Variants in SHROOM3 observed in about 807,000 individuals in gnomAD.
SHROOM3 encodes protein Shroom3.
SHROOM3 carries 47 observed loss-of-function variants against 138.6 expected under a neutral mutation model. The ratio of observed to expected loss-of-function variants is 0.34; its 90% CI spans 0.27 to 0.43. The LOEUF is 0.43. Ranked by LOEUF, SHROOM3 falls within the 20% of genes least tolerant of loss-of-function variation. The pLI is 1.00. For synonymous variants in SHROOM3, 1,062 were observed against 1,063.3 expected, an observed-to-expected ratio of 1.00 and a Z score of 0.02; for missense variants, 2,491 against 2,596.5, an observed-to-expected ratio of 0.96 and a Z score of 0.88.
intron 1 of SHROOM3, among the ~76,000 whole-genome samples, chr4:76,528,562 T>TTTTTTTTGG (rs1732754135): frequency 6.8e-6 from 1 of 146,368 alleles, no homozygotes; most frequent in African/African-American, 2.5e-5. Flanking sequence ...TTTTTTTTTT[T>TTTTTTTTGG]GAGGCAGAGT....
chr4:76,585,148 A>G (rs1420906982), intron 2 of SHROOM3, among the ~76,000 whole-genome samples: 1 of 152,314 alleles, frequency 6.6e-6, no homozygotes, highest in East Asian at 1.9e-4. Flanking sequence ...GTTTGGAATG[A>G]TTACTACTGC....
intron 2 of SHROOM3, among the ~76,000 whole-genome samples, chr4:76,640,360 C>G (rs750925905): frequency 2.6e-5 from 4 of 152,180 alleles, no homozygotes; most frequent in Non-Finnish European, 1.5e-5. Context: ...TATGCTCTCC[C>G]GCGTCAGAAG....
At chr4:76,491,534 T>A (rs1453847179) in intron 1 of SHROOM3, among the ~76,000 whole-genome samples, 1 of 152,220 alleles carries the variant, frequency 6.6e-6, no homozygotes, top group Non-Finnish European at 1.5e-5. Context: ...TCTCTGATAA[T>A]AAAAAGTCTA....
At chr4:76,630,585 G>A (rs1400445380) in intron 2 of SHROOM3, among the ~76,000 whole-genome samples, 1 of 152,198 alleles carries the variant, frequency 6.6e-6, no homozygotes, top group Non-Finnish European at 1.5e-5. Flanking sequence ...GTGACCATTG[G>A]ATTATAGGAA....
chr4:76,620,684 G>A (rs1232765894), intron 2 of SHROOM3, among the ~76,000 whole-genome samples: 1 of 152,142 alleles, frequency 6.6e-6, no homozygotes, highest in Non-Finnish European at 1.5e-5. Context: ...AAATGTGAGT[G>A]GAGAACGGTG....
chr4:76,446,824 A>T (rs973025705), intron 1 of SHROOM3, among the ~76,000 whole-genome samples: 2 of 152,124 alleles, frequency 1.3e-5, no homozygotes, highest in African/African-American at 2.4e-5. Flanking sequence ...ACCAAACTTT[A>T]TCTCATTTTG....
intron 1 of SHROOM3, among the ~76,000 whole-genome samples, chr4:76,530,104 T>G (rs1425650132): frequency 6.6e-6 from 1 of 152,246 alleles, no homozygotes; most frequent in Non-Finnish European, 1.5e-5. Context: ...CTATTCACTT[T>G]TCTTCAGAGA....
intron 2 of SHROOM3, among the ~76,000 whole-genome samples, chr4:76,572,223 C>A (rs984386521): frequency 6.6e-6 from 1 of 152,162 alleles, no homozygotes; most frequent in Non-Finnish European, 1.5e-5. Context: ...TAACATACAA[C>A]GGGAATAATA....
chr4:76,716,227 T>G (rs1185844842), intron 3 of SHROOM3: 2 of 485,524 alleles, frequency 4.1e-6, no homozygotes, highest in Non-Finnish European at 8.3e-6. Context: ...TGCGCTGAGC[T>G]GGGCAAGTTC....
At chr4:76,689,266 G>A (rs1719426455) in intron 2 of SHROOM3, among the ~76,000 whole-genome samples, 2 of 147,076 alleles carry the variant, frequency 1.4e-5, no homozygotes, top group Admixed American at 7.2e-5. Flanking sequence ...TCAAACCTTA[G>A]GGAGCCTTCT....
At chr4:76,607,820 C>A (rs1228758203) in intron 2 of SHROOM3, among the ~76,000 whole-genome samples, 1 of 152,114 alleles carries the variant, frequency 6.6e-6, no homozygotes, top group African/African-American at 2.4e-5. Context: ...ACCACTAGCC[C>A]CTGGTAATCC....
chr4:76,459,008 G>A (rs542454392), intron 1 of SHROOM3, among the ~76,000 whole-genome samples: 29 of 152,280 alleles, frequency 1.9e-4, no homozygotes, highest in African/African-American at 6.7e-4. Flanking sequence ...ACAGCAGCAG[G>A]GGGGCGGGGA....
chr4:76,673,067 T>G (rs1298798741), intron 2 of SHROOM3, among the ~76,000 whole-genome samples: 1 of 152,214 alleles, frequency 6.6e-6, no homozygotes, highest in Admixed American at 6.5e-5. Context: ...CCAGATTTTT[T>G]GAAAAGTCCC....
chr4:76,444,826 G>GT lies in SHROOM3; in HGVS notation c.168+8607dup, dbSNP rs565827979. 3.9e-4 allele frequency among the ~76,000 whole-genome samples: 60 copies of GT among 152,106 alleles called. No individual in the cohort carries two copies. The East Asian group carries it at 0.01, about 26-fold the overall frequency. The stretch of plus-strand genomic sequence containing the variant: ...TCATCTTTCAAAGGCACCAGGCATG[G>GT]TGGCTCACACCTGTAATCCTAGCAC... On this transcript the variant is annotated intron_variant, in intron 1 of 10. Coordinates refer to ENST00000296043, the MANE Select transcript of SHROOM3 (RefSeq NM_020859.4).
chr4:76,561,178 G>C (rs73828104), intron 2 of SHROOM3, among the ~76,000 whole-genome samples: 6,078 of 152,168 alleles, frequency 0.04, 394 homozygotes, highest in African/African-American at 0.13. Flanking sequence ...ACCTCTGCAA[G>C]TTTGATGTAA....
intron 10 of SHROOM3, among the ~76,000 whole-genome samples, chr4:76,773,296 C>T (rs1722431967): frequency 6.6e-6 from 1 of 151,104 alleles, no homozygotes; most frequent in African/African-American, 2.4e-5. Flanking sequence ...ATTGCTTGAA[C>T]CCGGGAAGCG....
At chr4:76,684,050 G>C (rs1032545614) in intron 2 of SHROOM3, among the ~76,000 whole-genome samples, 2 of 152,198 alleles carry the variant, frequency 1.3e-5, no homozygotes, top group African/African-American at 4.8e-5. Context: ...TTTTTCACTA[G>C]ATAATGTGGA....
At position 76,779,080 on chromosome 4, in the gene SHROOM3, G is replaced by A; in HGVS notation, c.5894G>A (p.Gly1965Glu). ...SLPSDFIPKA[G>E]ALALPPNLTS... Reference sequence around the variant, plus strand: ...CCCTCAGATTTCATTCCCAAGGCTGGGGCCCTGGCTCTGCCCCCAAACCTC... The same window carrying A: ...CCCTCAGATTTCATTCCCAAGGCTGAGGCCCTGGCTCTGCCCCCAAACCTC... The change falls in exon 11 of 11, where the codon GGG (glycine) becomes GAG (glutamate). Residue 1965 changes from glycine (G) to glutamate (E), a missense_variant. Gly to Glu is a moderately conservative substitution (Grantham distance 98, BLOSUM62 -2). Coordinates refer to ENST00000296043, the MANE Select transcript of SHROOM3 (RefSeq NM_020859.4). The A allele has an allele frequency of 6.2e-7, 1 of 1,614,182 alleles. No individual in the cohort carries two copies. The highest frequency in any genetic ancestry group is 8.5e-7 in the Non-Finnish European group (1 of 1,180,036).
chr4:76,542,314 C>T (rs957827534), intron 1 of SHROOM3, among the ~76,000 whole-genome samples: 1 of 152,174 alleles, frequency 6.6e-6, no homozygotes, highest in Non-Finnish European at 1.5e-5. Flanking sequence ...GGTCACACAG[C>T]TAGTAAGTGG....
Sources: allele counts gnomAD v4.1 joint callset (sites outside exome capture counted in the v4.1 genomes callset), GRCh38; gene constraint gnomAD v4.1.1; transcripts MANE v1.5; gene names NCBI Gene and HGNC (gene_info 2026-07-23, HGNC 2026-07-21).